CLCC1: variants seen among roughly 807,000 people sequenced by gnomAD.
The protein encoded by CLCC1 is chloride channel CLIC-like protein 1.
A neutral mutation model predicts 63.3 loss-of-function variants in CLCC1; 39 were observed. That is an observed-to-expected ratio of 0.62 (90% CI 0.48 to 0.81). The LOEUF (loss-of-function observed/expected upper bound fraction) is 0.81, where lower values mean the gene tolerates loss of function less well. Among genes scored for constraint, CLCC1 ranks in the 30% least tolerant of loss-of-function variants. The probability of loss-of-function intolerance (pLI) is 0.00; values close to 1 mark genes in which losing one functional copy is unlikely to be tolerated. For missense variants in CLCC1, 549 were observed against 669.4 expected, an observed-to-expected ratio of 0.82 and a Z score of 1.98; for synonymous variants, 217 against 239.8, an observed-to-expected ratio of 0.90 and a Z score of 0.88.
intron 12 of CLCC1, 196 bp downstream of exon 12, chr1:108,934,429 C>T (rs538116021): frequency 2.1e-5 from 10 of 486,956 alleles, no homozygotes; most frequent in Non-Finnish European, 3.2e-5. Context: ...TTAAAATAAA[C>T]ACTTCTTACT....
chr1:108,935,935 G>C (rs185131679), intron 11 of CLCC1, among the ~76,000 whole-genome samples: 1 of 152,230 alleles, frequency 6.6e-6, no homozygotes, highest in Non-Finnish European at 1.5e-5. Flanking sequence ...CAGAGAGGTA[G>C]TGGATGTGGG....
At chr1:108,954,431 C>T (rs923033439) in intron 2 of CLCC1, among the ~76,000 whole-genome samples, 12 of 150,850 alleles carry the variant, frequency 8.0e-5, no homozygotes, top group Non-Finnish European at 1.6e-4. Context: ...GGGTGGGGGA[C>T]GGAGGCTGCA....
chr1:108,951,015 C>A (rs1004219854), intron 2 of CLCC1, among the ~76,000 whole-genome samples: 27 of 152,000 alleles, frequency 1.8e-4, no homozygotes, highest in Admixed American at 5.9e-4. Flanking sequence ...TAGGTATATA[C>A]CCAAAAGAAA....
At chr1:108,956,366 C>T (rs528179104) in intron 2 of CLCC1, among the ~76,000 whole-genome samples, 4 of 151,466 alleles carry the variant, frequency 2.6e-5, no homozygotes, top group Admixed American at 2.0e-4. Context: ...GTGTTATTTA[C>T]AGCCATTACA....
chr1:108,940,111 A>T lies in CLCC1; in HGVS notation c.828T>A (p.Asp276Glu). 6.2e-7 allele frequency: 1 copy of T among 1,613,386 alleles called. No homozygotes were observed. Among genetic ancestry groups the T allele is most frequent in the Non-Finnish European group, 8.5e-7 (1 of 1,179,378 alleles). The part of the protein sequence containing the change: ...EWFRSSWTYK[D>E]DPCQKYYELL... Reference sequence around the variant, plus strand: ...GCTCATAGTATTTTTGGCATGGGTCATCCTTATAGGTCCATGAACTTCTAA... The same window carrying T: ...GCTCATAGTATTTTTGGCATGGGTCTTCCTTATAGGTCCATGAACTTCTAA... The change falls in exon 9 of 13, where the codon GAT becomes GAA. Residue 276 changes from aspartate (D) to glutamate (E), a missense_variant. Coordinates refer to ENST00000369969, the MANE Select transcript of CLCC1 (RefSeq NM_001377458.1).
chr1:108,963,412 G>A lies in CLCC1; in HGVS notation c.-224C>T, dbSNP rs1048578628. The A allele has an allele frequency of 3.7e-5, 26 of 702,324 alleles. No individual in the cohort carries two copies. The African/African-American group carries it at 4.4e-4, about 12-fold the overall frequency. 43.5% of individuals were successfully genotyped at this position (702,324 alleles called of 1,614,324 possible). On this transcript the variant is annotated 5_prime_UTR_variant, in exon 1 of 13. Transcript: ENST00000369969. ...AGGAAGACACCTGCCCAGGCCGGCCGCAGAAGAGGTCGCACAGCTTGCCGC... is the reference window on the plus strand; with the variant it reads ...AGGAAGACACCTGCCCAGGCCGGCCACAGAAGAGGTCGCACAGCTTGCCGC...
At position 108,937,330 on chromosome 1, in the gene CLCC1, C is replaced by T. The variant is rs771823029; in HGVS notation, c.1130G>A (p.Arg377Gln). The T allele has an allele frequency of 1.5e-5, 24 of 1,614,090 alleles. No individual in the cohort carries two copies. The highest frequency in any genetic ancestry group is 4.4e-5 in the South Asian group (4 of 91,092). Residue 377 changes from arginine to glutamine, a missense_variant, in exon 11 of 13, where the codon CGG (arginine) becomes CAG (glutamine). By Grantham distance (43) the Arg-to-Gln change is conservative. Coordinates refer to ENST00000369969, the MANE Select transcript of CLCC1 (RefSeq NM_001377458.1). ...ESEPPQALRP[R>Q]DRRRQEEIDY... ...AATTTCCTCCTGCCGTCTTCTATCC[C>T]GTGGCCGAAGTGCCTGGGGAGGTTC...
Position 108,929,670 on chromosome 1 carries a change from A to G in CLCC1, c.*2877T>C, listed in dbSNP as rs146291181. The G allele has an allele frequency of 1.7e-5, 28 of 1,606,582 alleles. No individual in the cohort carries two copies. The East Asian group carries it at 5.8e-4, about 33-fold the overall frequency. ...AGCTTGGTGCTTTCTTTCCCACAGTATGTCTTTTAATCTCTCTCATAAACT... is the reference window on the plus strand; with the variant it reads ...AGCTTGGTGCTTTCTTTCCCACAGTGTGTCTTTTAATCTCTCTCATAAACT... On this transcript the variant is annotated 3_prime_UTR_variant, in exon 13 of 13. Transcript: ENST00000369969.
intron 11 of CLCC1, among the ~76,000 whole-genome samples, chr1:108,935,486 G>T (rs1652768152): frequency 6.6e-6 from 1 of 152,190 alleles, no homozygotes; most frequent in African/African-American, 2.4e-5. Flanking sequence ...AAGTGATATG[G>T]TTAGGCATGG....
intron 4 of CLCC1, among the ~76,000 whole-genome samples, chr1:108,948,728 G>A (rs1654846123): frequency 6.6e-6 from 1 of 151,680 alleles, no homozygotes; most frequent in Non-Finnish European, 1.5e-5. Flanking sequence ...ACAAACAATG[G>A]AATAAAAAAA....
At chr1:108,939,878 C>CA in intron 9 of CLCC1, 96 bp from the exon 10 acceptor site, 1 of 1,394,798 alleles carries the variant, frequency 7.2e-7, no homozygotes, top group South Asian at 1.4e-5. Flanking sequence ...AAGTATGTTA[C>CA]ATAAATTAAA....
intron 5 of CLCC1, among the ~76,000 whole-genome samples, chr1:108,945,434 A>G (rs1461544482): frequency 6.6e-6 from 1 of 152,210 alleles, no homozygotes; most frequent in Non-Finnish European, 1.5e-5. Flanking sequence ...CTGAAACAAG[A>G]AAACAGTTTT....
chr1:108,944,917 C>G (rs1457269521), intron 5 of CLCC1, among the ~76,000 whole-genome samples: 1 of 152,258 alleles, frequency 6.6e-6, no homozygotes, highest in Non-Finnish European at 1.5e-5. Flanking sequence ...GCGTGAGCCA[C>G]TGCACCCGGC....
intron 8 of CLCC1, among the ~76,000 whole-genome samples, chr1:108,940,595 T>C (rs979430913): frequency 1.3e-5 from 2 of 152,252 alleles, no homozygotes; most frequent in African/African-American, 2.4e-5. Flanking sequence ...TTTCTTACTG[T>C]GTGAATCCAC....
chr1:108,943,402 C>T (rs1482447566), intron 7 of CLCC1, 73 bp downstream of exon 7: 3 of 1,497,532 alleles, frequency 2.0e-6, no homozygotes, highest in Non-Finnish European at 1.8e-6. Flanking sequence ...CAAGATTGCT[C>T]TCAATGGATT....
In CLCC1 at chr1:108,937,403, C is replaced by T. The variant is rs151194336; in HGVS notation, c.1057G>A (p.Ala353Thr). 23 of 1,601,836 alleles carry T rather than the reference C, an allele frequency of 1.4e-5. No homozygotes were observed. Among genetic ancestry groups the T allele is most frequent in the Admixed American group, 1.7e-5 (1 of 57,764 alleles). ...CTCAGCACATGAACTGATTTTCCAG[C>T]ACCATAGCAGAAACTCTGTAAGGAA... Reference protein sequence around the residue: ...ALAILSFCYGAGKSVHVLRHI... With the variant: ...ALAILSFCYGTGKSVHVLRHI... Residue 353 changes from alanine (A) to threonine (T), a missense_variant, in exon 11 of 13, where the codon GCT becomes ACT. Physicochemically the swap from Ala to Thr is moderately conservative, Grantham distance 58. Transcript: ENST00000369969.
intron 2 of CLCC1, among the ~76,000 whole-genome samples, chr1:108,961,786 A>G (rs1656676635): frequency 1.3e-5 from 2 of 151,854 alleles, no homozygotes; most frequent in Admixed American, 1.3e-4. Context: ...TTGAACCCAG[A>G]GAGTGCAGGT....
chr1:108,950,372 GTCA>G lies in CLCC1; in HGVS notation c.63_65del (p.Asp22del). Reference sequence around the variant, plus strand: ...TAAGCATGTCTGTGGGGTCAATCCAGTCATCATCATGAGCATAACCAGCTACCA... The same window carrying G: ...TAAGCATGTCTGTGGGGTCAATCCAGTCATCATGAGCATAACCAGCTACCA... On this transcript the variant is annotated inframe_deletion, in exon 3 of 13. Transcript: ENST00000369969. The G allele has an allele frequency of 6.2e-7, 1 of 1,613,124 alleles. No homozygotes were observed. Among genetic ancestry groups the G allele is most frequent in the Non-Finnish European group, 8.5e-7 (1 of 1,179,428 alleles).
chr1:108,946,416 C>G (rs1003112443), intron 5 of CLCC1, among the ~76,000 whole-genome samples: 1 of 152,138 alleles, frequency 6.6e-6, no homozygotes, highest in Non-Finnish European at 1.5e-5. Flanking sequence ...CTGTACGTAG[C>G]TGTAAGGCTC....
Sources: gnomAD v4.1 joint callset for allele counts (sites outside exome capture counted in the v4.1 genomes callset) on GRCh38, gnomAD v4.1.1 for gene constraint, MANE v1.5 for transcripts, NCBI Gene and HGNC (gene_info 2026-07-23, HGNC 2026-07-21) for gene names.